Variants in LCOR observed in about 807,000 individuals in gnomAD.
LCOR encodes ligand-dependent corepressor.
A neutral mutation model predicts 64.4 loss-of-function variants in LCOR; 14 were observed. The observed-to-expected ratio is 0.22, with a 90% CI of 0.14 to 0.34. The LOEUF is 0.34. Among genes scored for constraint, LCOR ranks in the 10% least tolerant of loss-of-function variants. The pLI is 1.00. For synonymous variants in LCOR, 643 were observed against 642.5 expected, an observed-to-expected ratio of 1.00 and a Z score of -0.01; for missense variants, 1,686 against 1,765.3, an observed-to-expected ratio of 0.96 and a Z score of 0.80.
Position 96,981,899 on chromosome 10 carries a change from C to G in LCOR, c.1439C>G (p.Thr480Arg). 1 of 1,614,162 alleles carries G rather than the reference C, an allele frequency of 6.2e-7. No homozygotes were observed. The highest frequency in any genetic ancestry group is 2.2e-5 in the East Asian group (1 of 44,890). Residue 480 changes from threonine (T) to arginine (R), a missense_variant, in exon 8 of 8, where the codon ACA becomes AGA. Around this residue, in one of 3 missense-constraint regions of LCOR, gnomAD observed 1,293 missense variants for 1,410.4 expected, o/e 0.92. Coordinates refer to ENST00000421806, the MANE Select transcript of LCOR (RefSeq NM_001346516.2). Reference protein sequence around the residue: ...CDVVYISQPITECHFENQKSI... With the variant: ...CDVVYISQPIRECHFENQKSI... ...GTTGTTTATATCAGTCAACCAATAA[C>G]AGAATGCCACTTTGAGAATCAAAAA...
chr10:96,979,861 C>A (rs994736158), intron 7 of LCOR, among the ~76,000 whole-genome samples: 1 of 152,226 alleles, frequency 6.6e-6, no homozygotes, highest in Non-Finnish European at 1.5e-5. Flanking sequence ...GTTAAGTTCT[C>A]AGCCGAGTGC....
At chr10:96,833,272 C>G (rs988129670) in intron 1 of LCOR, 134 bp from the exon 2 acceptor site, 1 of 955,858 alleles carries the variant, frequency 1.0e-6, no homozygotes, top group African/African-American at 1.8e-5. Flanking sequence ...CCCCGCCTCC[C>G]GGACCTTGGG....
chr10:96,969,763 C>CT lies in LCOR; in HGVS notation c.333-11020dup, dbSNP rs1321325884. On this transcript the variant is annotated intron_variant, in intron 7 of 7. Transcript: ENST00000421806. Reference sequence around the variant, plus strand: ...GGTGTTCATTTCAACAATTTTCTTTCTTTTTTTTTTCTTTTTTTTTTTTTT... The same window carrying CT: ...GGTGTTCATTTCAACAATTTTCTTTCTTTTTTTTTTTCTTTTTTTTTTTTTT... 2.7e-3 allele frequency among the ~76,000 whole-genome samples: 336 copies of CT among 125,062 alleles called. 2 individuals carry two copies. The highest frequency in any genetic ancestry group is 8.2e-3 in the African/African-American group (225 of 27,306). 82.0% of individuals were successfully genotyped at this position (125,062 alleles called of 152,430 possible). A position where few individuals can be genotyped will look rare whatever the true frequency, so the allele number is the denominator to read the frequency against.
chr10:96,956,340 C>A, intron 7 of LCOR: 2 of 988,316 alleles, frequency 2.0e-6, no homozygotes, highest in Non-Finnish European at 2.4e-6. Context: ...ATACTGGGAG[C>A]TTTATCACTG....
chr10:96,860,671 A>G (rs1301806329), intron 2 of LCOR, among the ~76,000 whole-genome samples: 3 of 152,238 alleles, frequency 2.0e-5, no homozygotes, highest in African/African-American at 7.2e-5. Context: ...TCGTTTTGAA[A>G]TAAAATGCTG....
chr10:96,851,418 G>A (rs1845719688), intron 2 of LCOR, among the ~76,000 whole-genome samples: 1 of 152,160 alleles, frequency 6.6e-6, no homozygotes, highest in Admixed American at 6.5e-5. Flanking sequence ...CTTTTCAAAC[G>A]AAGTTTTAGC....
At chr10:96,967,239 C>G (rs1299529829) in intron 7 of LCOR, among the ~76,000 whole-genome samples, 1 of 152,170 alleles carries the variant, frequency 6.6e-6, no homozygotes, top group Non-Finnish European at 1.5e-5. Flanking sequence ...ACAAGTGATT[C>G]TCGTGCCTCA....
At chr10:96,845,070 A>G (rs1236636876) in intron 2 of LCOR, among the ~76,000 whole-genome samples, 2 of 152,176 alleles carry the variant, frequency 1.3e-5, no homozygotes, top group Non-Finnish European at 2.9e-5. Context: ...GTTGCTGAGT[A>G]GTGTGTAATT....
Position 96,988,151 on chromosome 10 carries a change from A to T in LCOR, c.*3017A>T, listed in dbSNP as rs1440522958. The T allele has an allele frequency of 6.6e-6, 1 of 151,922 alleles. No homozygotes were observed. The highest frequency in any genetic ancestry group is 1.5e-5 in the Non-Finnish European group (1 of 67,986). 9.4% of individuals were successfully genotyped at this position (151,922 alleles called of 1,614,324 possible). A position where few individuals can be genotyped will look rare whatever the true frequency, so the allele number is the denominator to read the frequency against. ...GGACACCCATCTTCTATCCTACGAGACTCCCTGCTATAGATGGACATGCAG... is the reference window on the plus strand; with the variant it reads ...GGACACCCATCTTCTATCCTACGAGTCTCCCTGCTATAGATGGACATGCAG... On this transcript the variant is annotated 3_prime_UTR_variant, in exon 8 of 8. Coordinates refer to ENST00000421806, the MANE Select transcript of LCOR (RefSeq NM_001346516.2).
At chr10:96,893,634 G>C (rs960954452) in intron 2 of LCOR, among the ~76,000 whole-genome samples, 10 of 152,020 alleles carry the variant, frequency 6.6e-5, no homozygotes, top group Non-Finnish European at 1.3e-4. Context: ...ATGGTGGTGG[G>C]CATCTGTAGT....
chr10:96,841,399 C>T lies in LCOR; in HGVS notation c.-330+7920C>T, dbSNP rs948069741. On this transcript the variant is annotated intron_variant, in intron 2 of 7. Transcript: ENST00000421806. ...TTTTTTTGAGACAGTCTTGCTGTGT[C>T]AGCCAGGCTGGAGTGCAGTGGCACA... 8.7e-5 allele frequency among the ~76,000 whole-genome samples: 12 copies of T among 137,478 alleles called. No homozygotes were observed. The East Asian group carries it at 2.3e-3, about 26-fold the overall frequency. 90.2% of individuals were successfully genotyped at this position (137,478 alleles called of 152,430 possible).
rs1490693605 is a variant in LCOR, at chr10:96,994,183, T to A, written c.*9049T>A. 1 of 152,192 alleles carries A rather than the reference T, an allele frequency of 6.6e-6. No individual in the cohort carries two copies. 9.4% of individuals were successfully genotyped at this position (152,192 alleles called of 1,614,324 possible). ...GGCTATAGAGTAAATGTAAGACTTG[T>A]TACAACAGAAATTTAAGTGGCCAGT... On this transcript the variant is annotated 3_prime_UTR_variant, in exon 8 of 8. Coordinates refer to ENST00000421806, the MANE Select transcript of LCOR (RefSeq NM_001346516.2).
chr10:96,916,761 C>T (rs779334811), intron 4 of LCOR, among the ~76,000 whole-genome samples: 74 of 151,842 alleles, frequency 4.9e-4, no homozygotes, highest in Non-Finnish European at 9.7e-4. Flanking sequence ...ACTACAGGCG[C>T]ACGCCACCCC....
At position 96,982,798 on chromosome 10, in the gene LCOR, G is replaced by A; in HGVS notation, c.2338G>A (p.Val780Ile). Reference protein sequence around the residue: ...IGKLEGEDGDVKCLSEKDTYD... With the variant: ...IGKLEGEDGDIKCLSEKDTYD... ...AAAATTAGAGGGAGAGGACGGTGAT[G>A]TAAAATGCCTGTCAGAAAAAGACAC... Residue 780 changes from valine (V) to isoleucine (I), a missense_variant, in exon 8 of 8, where the codon GTA becomes ATA. Val to Ile is a conservative substitution (Grantham distance 29). This residue lies in a region of LCOR where 1,293 missense variants were observed against 1,410.4 expected (regional missense o/e 0.92). Transcript: ENST00000421806. 2 of 1,614,062 alleles carry A rather than the reference G, an allele frequency of 1.2e-6. No individual in the cohort carries two copies. Among genetic ancestry groups the A allele is most frequent in the Non-Finnish European group, 1.7e-6 (2 of 1,180,004 alleles).
chr10:96,957,185 A>T lies in LCOR; in HGVS notation c.332+4989A>T, dbSNP rs141244007. On this transcript the variant is annotated intron_variant, in intron 7 of 7. Transcript: ENST00000421806. The stretch of plus-strand genomic sequence containing the variant: ...TGTTGGGTTTTTTTTTTAAGTTTTT[A>T]TTTAATTTTGTTGGTTAGAATTTTT... 6.1e-6 allele frequency: 6 copies of T among 983,826 alleles called. No homozygotes were observed. In the African/African-American group the frequency reaches 8.8e-5, roughly 14 times the overall value. The allele number at this position is 983,826 out of a possible 1,614,324, so 60.9% of individuals were successfully genotyped here.
At chr10:96,938,312 A>G (rs765892610) in intron 4 of LCOR, among the ~76,000 whole-genome samples, 3 of 152,198 alleles carry the variant, frequency 2.0e-5, no homozygotes, top group African/African-American at 7.2e-5. Flanking sequence ...AGACCACATG[A>G]TCATCTCCGT....
At chr10:96,838,581 A>C (rs1239698011) in intron 2 of LCOR, among the ~76,000 whole-genome samples, 1 of 152,244 alleles carries the variant, frequency 6.6e-6, no homozygotes, top group African/African-American at 2.4e-5. Context: ...GTCATACAAT[A>C]TATGGCTTTT....
intron 4 of LCOR, among the ~76,000 whole-genome samples, chr10:96,932,245 A>C (rs1380109202): frequency 6.6e-6 from 1 of 152,192 alleles, no homozygotes; most frequent in African/African-American, 2.4e-5. Flanking sequence ...TGATGATTTT[A>C]TAAAAAGTAC....
At chr10:96,920,626 A>G (rs1184556767) in intron 4 of LCOR, among the ~76,000 whole-genome samples, 13 of 145,530 alleles carry the variant, frequency 8.9e-5, no homozygotes, top group African/African-American at 2.7e-4. Context: ...GTATATATGT[A>G]TGTACATTCA....
Sources: allele counts gnomAD v4.1 joint callset (sites outside exome capture counted in the v4.1 genomes callset), GRCh38; gene constraint gnomAD v4.1.1; regional missense constraint gnomAD v4.1.1; transcripts MANE v1.5; gene names NCBI Gene and HGNC (gene_info 2026-07-23, HGNC 2026-07-21).